Variants in PHF2 observed in about 807,000 individuals in gnomAD.
PHF2 encodes the protein lysine-specific demethylase PHF2.
Under a neutral mutation model 120.5 loss-of-function variants are expected in PHF2, and 27 were observed. That is an observed-to-expected ratio of 0.22 (90% CI 0.17 to 0.31). PHF2 has a LOEUF of 0.31. Among genes scored for constraint, PHF2 ranks in the 10% least tolerant of loss-of-function variants. PHF2 has a pLI of 1.00. For missense variants in PHF2, 1,024 were observed against 1,434.8 expected, an observed-to-expected ratio of 0.71 and a Z score of 4.63; for synonymous variants, 568 against 592.5, an observed-to-expected ratio of 0.96 and a Z score of 0.60.
intron 9 of PHF2, 41 bp from the exon 10 acceptor site, chr9:93,658,104 C>A: frequency 7.1e-7 from 1 of 1,416,068 alleles, no homozygotes; most frequent in Non-Finnish European, 9.9e-7. Flanking sequence ...CACCTGTGGG[C>A]AGCAGGCACC....
intron 1 of PHF2, among the ~76,000 whole-genome samples, chr9:93,587,521 A>AGCCCCGGGTGAGGGATGATGGAGGC (rs1863075580): frequency 6.7e-6 from 1 of 148,688 alleles, no homozygotes; most frequent in Non-Finnish European, 1.5e-5. Context: ...ATGATGGAGG[A>AGCCCCGGGTGAGGGATGATGGAGGC]GTCCCAGATA....
In PHF2 at chr9:93,576,707, C is replaced by G. The variant is rs879151014; in HGVS notation, c.-67C>G. On this transcript the variant is annotated 5_prime_UTR_variant, in exon 1 of 22. Transcript: ENST00000359246. ...CCCGCCGCCCCCGCGCGGCCCGGCC[C>G]CCGGCCCGGCCCGGACCGACCCGGG... 1 of 669,714 alleles carries G rather than the reference C, an allele frequency of 1.5e-6. No homozygotes were observed. Among genetic ancestry groups the G allele is most frequent in the Non-Finnish European group, 1.8e-6 (1 of 545,844 alleles). The allele number at this position is 669,714 out of a possible 1,614,324, so 41.5% of individuals were successfully genotyped here.
intron 1 of PHF2, among the ~76,000 whole-genome samples, chr9:93,599,393 C>T (rs945923758): frequency 1.3e-5 from 2 of 152,230 alleles, no homozygotes; most frequent in African/African-American, 4.8e-5. Flanking sequence ...AGGCCAGCTC[C>T]TGTTGCTCCA....
chr9:93,603,971 G>A (rs1247467825), intron 1 of PHF2, among the ~76,000 whole-genome samples: 1 of 152,254 alleles, frequency 6.6e-6, no homozygotes. Flanking sequence ...TCTGGCCCCA[G>A]CAGCCTATTG....
intron 17 of PHF2, chr9:93,671,080 G>A: frequency 1.0e-6 from 1 of 954,848 alleles, no homozygotes; most frequent in Non-Finnish European, 1.2e-6. Flanking sequence ...GGTGCAGGGT[G>A]GGGGTAGGTG....
chr9:93,591,820 A>G (rs1825230622), intron 1 of PHF2, among the ~76,000 whole-genome samples: 1 of 152,214 alleles, frequency 6.6e-6, no homozygotes, highest in Non-Finnish European at 1.5e-5. Flanking sequence ...TCAAGAGCCC[A>G]GTGCCCCACA....
chr9:93,588,178 A>G (rs1587663321), intron 1 of PHF2, among the ~76,000 whole-genome samples: 2 of 152,236 alleles, frequency 1.3e-5, no homozygotes, highest in East Asian at 3.9e-4. Context: ...TCAGTGCTTG[A>G]CCAGATGCTC....
rs77331348 is a variant in PHF2, at chr9:93,598,960, G to A, written c.98+22089G>A. On this transcript the variant is annotated intron_variant, in intron 1 of 21. Coordinates refer to ENST00000359246, the MANE Select transcript of PHF2 (RefSeq NM_005392.4). Reference sequence around the variant, plus strand: ...ACCTTTTGACGTGGCTGGTATGTCCGTGTGCGCCCTTGGAAGCAGCATTGT... The same window carrying A: ...ACCTTTTGACGTGGCTGGTATGTCCATGTGCGCCCTTGGAAGCAGCATTGT... Among the ~76,000 whole-genome samples, 532 of 152,240 alleles carry A rather than the reference G, an allele frequency of 3.5e-3. 24 individuals are homozygous for A. In the East Asian group the frequency reaches 0.093, roughly 27 times the overall value.
intron 5 of PHF2, 80 bp from the exon 6 acceptor site, chr9:93,653,099 C>T (rs1826396300): frequency 3.0e-6 from 4 of 1,354,112 alleles, no homozygotes; most frequent in Middle Eastern, 2.4e-4. Context: ...GGACATGCCT[C>T]ACAGAACATG....
At chr9:93,578,351 C>T (rs1587655708) in intron 1 of PHF2, among the ~76,000 whole-genome samples, 1 of 152,248 alleles carries the variant, frequency 6.6e-6, no homozygotes, top group East Asian at 1.9e-4. Flanking sequence ...ACAGGGCTGA[C>T]ATGCACACCC....
chr9:93,674,945 C>A lies in PHF2; in HGVS notation c.2645C>A (p.Ser882Ter). The change falls in exon 19 of 22, where the codon TCA becomes TAA. Residue 882 changes from serine to a stop codon, truncating the protein, a stop_gained. Coordinates refer to ENST00000359246, the MANE Select transcript of PHF2 (RefSeq NM_005392.4). LOFTEE classifies it high-confidence loss of function. The part of the protein sequence containing the change: ...DSDYVYPSLE[S>*]DEDNPIFKSR... ...CCTCTAGTTTACCCCTCACTGGAGT[C>A]AGATGAAGACAACCCCATCTTTAAG... The A allele has an allele frequency of 6.2e-7, 1 of 1,613,744 alleles. No homozygotes were observed. Among genetic ancestry groups the A allele is most frequent in the South Asian group, 1.1e-5 (1 of 91,060 alleles).
At chr9:93,675,350 A>T (rs1336835895) in intron 19 of PHF2, among the ~76,000 whole-genome samples, 1 of 152,198 alleles carries the variant, frequency 6.6e-6, no homozygotes, top group Non-Finnish European at 1.5e-5. Context: ...GGAGGCACCC[A>T]CTTGATGGTG....
At position 93,608,337 on chromosome 9, in the gene PHF2, T is replaced by TA. The variant is rs1564379220; in HGVS notation, c.99-21632dup. Among the ~76,000 whole-genome samples, 9 of 134,590 alleles carry TA rather than the reference T, an allele frequency of 6.7e-5. No homozygotes were observed. In the East Asian group the frequency reaches 1.2e-3, roughly 18 times the overall value. The allele number at this position is 134,590 out of a possible 152,430, so 88.3% of individuals were successfully genotyped here. A position where few individuals can be genotyped will look rare whatever the true frequency, so the allele number is the denominator to read the frequency against. The stretch of plus-strand genomic sequence containing the variant: ...GACACTGTCTCATAATAATAATAAT[T>TA]ATTATTTTTGTACATCGTTGGTTTT... On this transcript the variant is annotated intron_variant, in intron 1 of 21. Transcript: ENST00000359246.
chr9:93,614,180 T>C (rs186361751), intron 1 of PHF2, among the ~76,000 whole-genome samples: 60 of 152,312 alleles, frequency 3.9e-4, no homozygotes, highest in African/African-American at 1.4e-3. Flanking sequence ...CCCACTTGTT[T>C]TGTGGATTGT....
Position 93,649,154 on chromosome 9 carries a change from T to C in PHF2, c.544T>C (p.Tyr182His). ...MKLKEFVDYY[Y>H]STNRKRVLNV... The stretch of plus-strand genomic sequence containing the variant: ...GCTGAAGGAGTTTGTGGACTATTAC[T>C]ACAGCACCAACCGCAAGCGGGTCCT... The change falls in exon 5 of 22, where the codon TAC (tyrosine) becomes CAC (histidine). Residue 182 changes from tyrosine to histidine, a missense_variant. Coordinates refer to ENST00000359246, the MANE Select transcript of PHF2 (RefSeq NM_005392.4). The C allele has an allele frequency of 6.5e-7, 1 of 1,546,240 alleles. No homozygotes were observed. The highest frequency in any genetic ancestry group is 8.7e-7 in the Non-Finnish European group (1 of 1,144,090).
intron 7 of PHF2, 69 bp downstream of exon 7, chr9:93,654,644 C>A: frequency 6.9e-7 from 1 of 1,457,814 alleles, no homozygotes; most frequent in South Asian, 1.2e-5. Flanking sequence ...ACTGCCCTGT[C>A]CCTTGGACCG....
At chr9:93,608,028 A>AG (rs1825573790) in intron 1 of PHF2, among the ~76,000 whole-genome samples, 4 of 151,716 alleles carry the variant, frequency 2.6e-5, no homozygotes, top group African/African-American at 9.7e-5. Context: ...GAGGAAGGAA[A>AG]GAAAGGAAAG....
At position 93,608,551 on chromosome 9, in the gene PHF2, A is replaced by G. The variant is rs116784979; in HGVS notation, c.99-21419A>G. Reference sequence around the variant, plus strand: ...TATCCCTTTAATGTTGGTGGAATTCACCAGTGGGTTCTGTCTGAGCCTGGT... The same window carrying G: ...TATCCCTTTAATGTTGGTGGAATTCGCCAGTGGGTTCTGTCTGAGCCTGGT... On this transcript the variant is annotated intron_variant, in intron 1 of 21. Transcript: ENST00000359246. 3.2e-3 allele frequency among the ~76,000 whole-genome samples: 491 copies of G among 152,232 alleles called. 2 individuals are homozygous for G. The highest frequency in any genetic ancestry group is 0.011 in the African/African-American group (459 of 41,542).
intron 1 of PHF2, among the ~76,000 whole-genome samples, chr9:93,624,405 GATA>G (rs769932173): frequency 4.6e-5 from 7 of 152,060 alleles, no homozygotes; most frequent in African/African-American, 1.2e-4. Context: ...AGGTGATGAT[GATA>G]ATGATGGTGT....
Sources: gnomAD v4.1 joint callset for allele counts (sites outside exome capture counted in the v4.1 genomes callset) on GRCh38, gnomAD v4.1.1 for gene constraint, MANE v1.5 for transcripts, NCBI Gene and HGNC (gene_info 2026-07-23, HGNC 2026-07-21) for gene names.